Variants in SLCO3A1 observed in about 807,000 individuals in gnomAD.
The protein encoded by SLCO3A1 is solute carrier organic anion transporter family member 3A1, also known as PGE1 transporter.
SLCO3A1 carries 27 observed loss-of-function variants against 63.1 expected under a neutral mutation model. The ratio of observed to expected loss-of-function variants is 0.43; its 90% CI spans 0.32 to 0.59. The LOEUF is 0.59. Among genes scored for constraint, SLCO3A1 ranks in the 20% least tolerant of loss-of-function variants. SLCO3A1 has a pLI of 0.09. For synonymous variants in SLCO3A1, 473 were observed against 409.9 expected (o/e 1.15, Z -1.86); for missense variants, 773 against 945.8 (o/e 0.82, Z 2.40).
In SLCO3A1 at chr15:91,912,863, CA is replaced by C. The variant is rs1898528738; in HGVS notation, c.181-3127del. Among the ~76,000 whole-genome samples, 1 of 152,188 alleles carries C rather than the reference CA, an allele frequency of 6.6e-6. No individual in the cohort carries two copies. Among genetic ancestry groups the C allele is most frequent in the Admixed American group, 6.5e-5 (1 of 15,284 alleles). On this transcript the variant is annotated intron_variant, in intron 1 of 9. Coordinates refer to ENST00000318445, the MANE Select transcript of SLCO3A1 (RefSeq NM_013272.4). This position sits in a 1 kb window ranked among gnomAD's most constrained non-coding sequence, Gnocchi z 5.0. Reference sequence around the variant, plus strand: ...CCCTTTGGACCTCTCAAGACTCACACAAAGGCCTGGGCGAGGCTCCCCAAAG... The same window carrying C: ...CCCTTTGGACCTCTCAAGACTCACACAAGGCCTGGGCGAGGCTCCCCAAAG...
chr15:91,969,071 A>G (rs1319596475), intron 2 of SLCO3A1, among the ~76,000 whole-genome samples: 1 of 152,088 alleles, frequency 6.6e-6, no homozygotes, highest in Non-Finnish European at 1.5e-5. Context: ...TTGCACATAC[A>G]CCTGTGTCCC....
intron 2 of SLCO3A1, among the ~76,000 whole-genome samples, chr15:92,013,346 G>A (rs539795389): frequency 2.0e-4 from 30 of 152,298 alleles, no homozygotes; most frequent in Admixed American, 5.9e-4. Context: ...CAGGTGCTGC[G>A]GCCAAACGCC....
chr15:91,941,537 T>G lies in SLCO3A1; in HGVS notation c.646+25079T>G, dbSNP rs1899621261. On this transcript the variant is annotated intron_variant, in intron 2 of 9. Coordinates refer to ENST00000318445, the MANE Select transcript of SLCO3A1 (RefSeq NM_013272.4). The surrounding 1 kb of genome is among the most constrained non-coding windows in gnomAD (Gnocchi z 4.4). ...GTTACCTAGCTTTTCTGAGCCTCAC[T>G]TTCTTGGCAATTAGATGAACCAGAG... is the stretch of plus-strand genomic sequence containing the variant. 2.2e-6 allele frequency: 1 copy of G among 455,988 alleles called. No homozygotes were observed. The highest frequency in any genetic ancestry group is 7.0e-5 in the East Asian group (1 of 14,376). 28.2% of individuals were successfully genotyped at this position (455,988 alleles called of 1,614,324 possible).
rs1251574191 is a variant in SLCO3A1, at chr15:92,047,606, T to A, written c.647-47275T>A. Among the ~76,000 whole-genome samples, 552 of 55,548 alleles carry A rather than the reference T, an allele frequency of 9.9e-3. 1 individual carries two copies. The highest frequency in any genetic ancestry group is 0.018 in the Middle Eastern group (2 of 110). 36.4% of individuals were successfully genotyped at this position (55,548 alleles called of 152,430 possible). On this transcript the variant is annotated intron_variant, in intron 2 of 9. Coordinates refer to ENST00000318445, the MANE Select transcript of SLCO3A1 (RefSeq NM_013272.4). ...TAATATATATATAATATATAATATA[T>A]ATATAATATATAAATATATATATAA...
At chr15:91,975,242 G>C (rs1901054595) in intron 2 of SLCO3A1, among the ~76,000 whole-genome samples, 2 of 150,962 alleles carry the variant, frequency 1.3e-5, no homozygotes, top group Non-Finnish European at 2.9e-5. Flanking sequence ...GCTGCAATTG[G>C]CTGACAGGTG....
chr15:91,880,131 G>GTCCA (rs1202665562), intron 1 of SLCO3A1, among the ~76,000 whole-genome samples: 9 of 130,548 alleles, frequency 6.9e-5, no homozygotes, highest in Non-Finnish European at 1.3e-4. Flanking sequence ...CCGTCCGTCC[G>GTCCA]TCCATCCATC....
intron 9 of SLCO3A1, among the ~76,000 whole-genome samples, chr15:92,154,484 G>GGTGGATGT (rs2048347067): frequency 6.6e-6 from 1 of 152,210 alleles, no homozygotes; most frequent in Non-Finnish European, 1.5e-5. Context: ...CACATAAGTA[G>GGTGGATGT]GTGGATGTGG....
chr15:92,094,785 T>C lies in SLCO3A1; in HGVS notation c.647-96T>C. On this transcript the variant is annotated intron_variant, in intron 2 of 9. Transcript: ENST00000318445. The stretch of plus-strand genomic sequence containing the variant: ...TAGATGAATTCCTAATGTCATCTCA[T>C]CTCATCAATGTAAAATAATCTCCTT... The C allele has an allele frequency of 7.9e-6, 6 of 763,060 alleles. No individual in the cohort carries two copies. The South Asian group carries it at 9.6e-5, about 12-fold the overall frequency. 47.3% of individuals were successfully genotyped at this position (763,060 alleles called of 1,614,324 possible). A position where few individuals can be genotyped will look rare whatever the true frequency, so the allele number is the denominator to read the frequency against.
At chr15:92,011,416 T>C (rs1249518941) in intron 2 of SLCO3A1, among the ~76,000 whole-genome samples, 1 of 152,230 alleles carries the variant, frequency 6.6e-6, no homozygotes, top group Non-Finnish European at 1.5e-5. Flanking sequence ...GTCACCTTAC[T>C]GTCACATGTA....
chr15:92,139,372 T>G (rs1489608311), intron 7 of SLCO3A1, among the ~76,000 whole-genome samples: 11 of 151,718 alleles, frequency 7.3e-5, no homozygotes, highest in South Asian at 2.1e-4. Flanking sequence ...GCTGGATTCG[T>G]TTTGCCAGTA....
At chr15:92,129,895 G>A (rs1488441480) in intron 7 of SLCO3A1, among the ~76,000 whole-genome samples, 1 of 152,000 alleles carries the variant, frequency 6.6e-6, no homozygotes, top group Non-Finnish European at 1.5e-5. Context: ...GGGAGAAACT[G>A]ATTTTTTAAA....
chr15:91,913,924 CT>C (rs1567182687), intron 1 of SLCO3A1, among the ~76,000 whole-genome samples: 1 of 152,110 alleles, frequency 6.6e-6, no homozygotes, highest in African/African-American at 2.4e-5. Flanking sequence ...TTCTTCTCCC[CT>C]CTCTCAATAT....
chr15:92,104,314 A>C lies in SLCO3A1; in HGVS notation c.781A>C (p.Ile261Leu). 6.2e-7 allele frequency: 1 copy of C among 1,614,132 alleles called. No individual in the cohort carries two copies. The highest frequency in any genetic ancestry group is 8.5e-7 in the Non-Finnish European group (1 of 1,180,030). Residue 261 changes from isoleucine (I) to leucine (L), a missense_variant, in exon 4 of 10, where the codon ATC becomes CTC. Ile to Leu is a conservative substitution (Grantham distance 5, BLOSUM62 2). Transcript: ENST00000318445. Reference sequence around the variant, plus strand: ...CATCACTCCGGACGACCCCCGCTGGATCGGAGCCTGGTGGGGTGGCTTTCT... The same window carrying C: ...CATCACTCCGGACGACCCCCGCTGGCTCGGAGCCTGGTGGGGTGGCTTTCT... Reference protein sequence around the residue: ...LDITPDDPRWIGAWWGGFLLC... With the variant: ...LDITPDDPRWLGAWWGGFLLC...
intron 8 of SLCO3A1, chr15:92,149,017 C>T (rs954550909): frequency 6.6e-6 from 1 of 152,104 alleles, no homozygotes; most frequent in Admixed American, 6.5e-5. Flanking sequence ...TAGACGTTTT[C>T]GTGAAGTTAT....
intron 2 of SLCO3A1, among the ~76,000 whole-genome samples, chr15:91,943,969 A>G (rs111886464): frequency 4.0e-4 from 61 of 152,094 alleles, no homozygotes; most frequent in African/African-American, 1.4e-3. Context: ...CTCTGCCTTC[A>G]CTTCTGTCAA....
chr15:91,902,937 A>G (rs937464299), intron 1 of SLCO3A1, among the ~76,000 whole-genome samples: 7 of 152,190 alleles, frequency 4.6e-5, no homozygotes, highest in Admixed American at 2.6e-4. Context: ...TAATAATAGT[A>G]CTTACGTAAC....
chr15:91,887,441 C>T (rs762877079), intron 1 of SLCO3A1, among the ~76,000 whole-genome samples: 11 of 152,176 alleles, frequency 7.2e-5, no homozygotes, highest in Non-Finnish European at 1.6e-4. Context: ...TAACCCTGCA[C>T]CCTTGAGGCA....
chr15:91,940,512 A>G (rs1337751746), intron 2 of SLCO3A1, among the ~76,000 whole-genome samples: 2 of 152,226 alleles, frequency 1.3e-5, no homozygotes, highest in Non-Finnish European at 2.9e-5. Flanking sequence ...ACAGAAATGA[A>G]TCAGTTGGCA....
intron 7 of SLCO3A1, among the ~76,000 whole-genome samples, chr15:92,145,065 C>T (rs907998477): frequency 1.3e-5 from 2 of 152,092 alleles, no homozygotes; most frequent in African/African-American, 4.8e-5. Flanking sequence ...GCTTTGAAGC[C>T]AAACAAGGGA....
Sources: allele counts gnomAD v4.1 joint callset (sites outside exome capture counted in the v4.1 genomes callset), GRCh38; gene constraint gnomAD v4.1.1; non-coding constraint Gnocchi (gnomAD v3.1); transcripts MANE v1.5; gene names NCBI Gene and HGNC (gene_info 2026-07-23, HGNC 2026-07-21).